The following ATP8B4 variants were observed in gnomAD, a reference collection of about 807,000 sequenced individuals.
ATP8B4 encodes ATPase phospholipid transporting 8B4 (putative).
A neutral mutation model predicts 145.6 loss-of-function variants in ATP8B4; 133 were observed. The ratio of observed to expected loss-of-function variants is 0.91; its 90% CI spans 0.79 to 1.05. ATP8B4 has a LOEUF of 1.05. Ranked by LOEUF, ATP8B4 falls within the 50% of genes least tolerant of loss-of-function variation. The pLI is 0.00. For synonymous variants in ATP8B4, 507 were observed against 492.9 expected, an observed-to-expected ratio of 1.03 and a Z score of -0.38; for missense variants, 1,458 against 1,425.2, an observed-to-expected ratio of 1.02 and a Z score of -0.37.
chr15:50,075,502 T>G (rs1459496795), intron 2 of ATP8B4, among the ~76,000 whole-genome samples: 1 of 152,226 alleles, frequency 6.6e-6, no homozygotes, highest in East Asian at 1.9e-4. Flanking sequence ...GGGTGTTTTG[T>G]CTGTCCAGTA....
At chr15:50,050,027 T>C (rs4522364) in intron 3 of ATP8B4, among the ~76,000 whole-genome samples, 80,736 of 151,996 alleles carry the variant, frequency 0.53, 22,233 homozygotes, top group East Asian at 0.66. Context: ...GTCTAAGGCC[T>C]TTCTATGTTG....
At chr15:50,160,417 C>T (rs1367670218) in intron 1 of ATP8B4, among the ~76,000 whole-genome samples, 1 of 151,314 alleles carries the variant, frequency 6.6e-6, no homozygotes, top group Non-Finnish European at 1.5e-5. Flanking sequence ...TTTTCTCCTA[C>T]AAATTTTGGG....
At chr15:50,079,918 T>A (rs962357385) in intron 2 of ATP8B4, among the ~76,000 whole-genome samples, 1 of 152,114 alleles carries the variant, frequency 6.6e-6, no homozygotes, top group Non-Finnish European at 1.5e-5. Flanking sequence ...CGAAAGAAGA[T>A]CAAGTTGGTA....
intron 1 of ATP8B4, among the ~76,000 whole-genome samples, chr15:50,124,541 T>G (rs973633775): frequency 5.9e-5 from 9 of 152,168 alleles, no homozygotes; most frequent in African/African-American, 2.2e-4. Flanking sequence ...TAATAAAATT[T>G]CAGGAATTAA....
At chr15:49,933,983 A>T in intron 15 of ATP8B4, 34 bp downstream of exon 15, 1 of 1,452,002 alleles carries the variant, frequency 6.9e-7, no homozygotes, top group Non-Finnish European at 9.1e-7. Flanking sequence ...AAACAAAAAC[A>T]AGGTTCACCA....
At chr15:49,895,904 G>C (rs544697479) in intron 23 of ATP8B4, 6 of 152,190 alleles carry the variant, frequency 3.9e-5, no homozygotes, top group African/African-American at 1.4e-4. Flanking sequence ...TTTTAAATGG[G>C]GTTTGTCCCT....
At chr15:50,137,446 T>G (rs1284919985) in intron 1 of ATP8B4, among the ~76,000 whole-genome samples, 1 of 152,202 alleles carries the variant, frequency 6.6e-6, no homozygotes, top group Non-Finnish European at 1.5e-5. Flanking sequence ...ATGCTGAGCA[T>G]CACTGTGCGT....
At chr15:49,962,154 G>A in intron 13 of ATP8B4, 134 bp from the exon 14 acceptor site, 3 of 622,580 alleles carry the variant, frequency 4.8e-6, no homozygotes, top group Middle Eastern at 4.3e-4. Flanking sequence ...ACAGGCGAAT[G>A]GTTTTAGGAG....
intron 1 of ATP8B4, among the ~76,000 whole-genome samples, chr15:50,173,989 G>C (rs1001020466): frequency 6.6e-6 from 1 of 152,062 alleles, no homozygotes; most frequent in Non-Finnish European, 1.5e-5. Flanking sequence ...ATGGTTTCAC[G>C]TACTCAAGCC....
intron 1 of ATP8B4, among the ~76,000 whole-genome samples, chr15:50,168,668 G>A (rs1439743118): frequency 6.6e-6 from 1 of 152,212 alleles, no homozygotes; most frequent in Non-Finnish European, 1.5e-5. Flanking sequence ...TGAATGGAGT[G>A]AAAAGCCTCC....
At chr15:50,133,424 A>G (rs1333336500) in intron 1 of ATP8B4, among the ~76,000 whole-genome samples, 1 of 151,586 alleles carries the variant, frequency 6.6e-6, no homozygotes, top group Non-Finnish European at 1.5e-5. Flanking sequence ...ACAAAAAAAA[A>G]ATTACAAAAA....
chr15:49,961,880 T>C, intron 14 of ATP8B4, 97 bp downstream of exon 14: 1 of 1,035,734 alleles, frequency 9.7e-7, no homozygotes, highest in South Asian at 1.6e-5. Flanking sequence ...TCTCATCTGG[T>C]CTTGGTGGAA....
intron 14 of ATP8B4, among the ~76,000 whole-genome samples, chr15:49,958,991 T>C (rs988000094): frequency 2.0e-5 from 3 of 151,962 alleles, no homozygotes; most frequent in Non-Finnish European, 4.4e-5. Context: ...AATATAACAT[T>C]GGTAGCAAAA....
chr15:50,102,542 G>A (rs756898610), intron 2 of ATP8B4, among the ~76,000 whole-genome samples: 5 of 151,942 alleles, frequency 3.3e-5, no homozygotes, highest in South Asian at 2.1e-4. Flanking sequence ...AGATTAAACC[G>A]GGAACAAACA....
chr15:50,102,840 C>T (rs1394530060), intron 2 of ATP8B4, among the ~76,000 whole-genome samples: 3 of 151,258 alleles, frequency 2.0e-5, no homozygotes, highest in Non-Finnish European at 4.4e-5. Context: ...TGTAAAACTC[C>T]TCAACAAAAT....
At chr15:50,015,531 T>A (rs925077165) in intron 6 of ATP8B4, among the ~76,000 whole-genome samples, 1 of 152,212 alleles carries the variant, frequency 6.6e-6, no homozygotes, top group African/African-American at 2.4e-5. Context: ...ATTACCTATA[T>A]AGAAAAAGAT....
chr15:49,893,591 C>G (rs2037062258), intron 23 of ATP8B4, among the ~76,000 whole-genome samples: 2 of 152,026 alleles, frequency 1.3e-5, no homozygotes, highest in Non-Finnish European at 2.9e-5. Flanking sequence ...TATGAGGTAT[C>G]TAAAGTAGGA....
At position 50,149,926 on chromosome 15, in the gene ATP8B4, C is replaced by T. The variant is rs546221799; in HGVS notation, c.-43+32335G>A. On this transcript the variant is annotated intron_variant, in intron 1 of 3. Coordinates refer to the ATP8B4 transcript ENST00000558829. The stretch of plus-strand genomic sequence containing the variant: ...GACCAGCCTGGCCAACATGGCAAAA[C>T]GCTGTCTCTACTAAAAACACAAAAA... Among the ~76,000 whole-genome samples the T allele has an allele frequency of 3.9e-5, 6 of 152,154 alleles. No individual in the cohort carries two copies. The East Asian group carries it at 7.7e-4, about 20-fold the overall frequency.
chr15:50,072,390 C>A (rs970683706), intron 3 of ATP8B4, among the ~76,000 whole-genome samples: 1 of 152,110 alleles, frequency 6.6e-6, no homozygotes, highest in Non-Finnish European at 1.5e-5. Flanking sequence ...TTCCAGGTAG[C>A]AACTTACACA....
Sources: gnomAD v4.1 joint callset for allele counts (sites outside exome capture counted in the v4.1 genomes callset) on GRCh38, gnomAD v4.1.1 for gene constraint, MANE v1.5 for transcripts, NCBI Gene and HGNC (gene_info 2026-07-23, HGNC 2026-07-21) for gene names.